Variants in GSK3B observed in about 807,000 individuals in gnomAD.
GSK3B encodes glycogen synthase kinase 3 beta.
In GSK3B, 15 loss-of-function variants were observed where a neutral mutation model predicts 56.4. That is an observed-to-expected ratio of 0.27 (90% CI 0.18 to 0.41). The LOEUF (loss-of-function observed/expected upper bound fraction) is 0.41. GSK3B is among the 10% of genes least tolerant of loss of function. GSK3B has a pLI of 1.00. For synonymous variants in GSK3B, 181 were observed against 188.9 expected, an observed-to-expected ratio of 0.96 and a Z score of 0.34; for missense variants, 300 against 513.4, an observed-to-expected ratio of 0.58 and a Z score of 4.02.
intron 1 of GSK3B, among the ~76,000 whole-genome samples, chr3:120,012,640 A>G (rs996178264): frequency 6.6e-5 from 10 of 152,222 alleles, no homozygotes; most frequent in African/African-American, 2.2e-4. Flanking sequence ...GGTATACAAC[A>G]GAACAATCAC....
At chr3:119,954,396 C>G (rs1432365788) in intron 2 of GSK3B, among the ~76,000 whole-genome samples, 1 of 142,976 alleles carries the variant, frequency 7.0e-6, no homozygotes, top group African/African-American at 2.8e-5. Flanking sequence ...ACTTTACATA[C>G]AGTAAGGGTT....
intron 1 of GSK3B, among the ~76,000 whole-genome samples, chr3:120,072,206 G>A (rs1382358870): frequency 6.6e-6 from 1 of 152,142 alleles, no homozygotes; most frequent in Non-Finnish European, 1.5e-5. Context: ...TCGATTCAGA[G>A]GCACAGAAAA....
intron 7 of GSK3B, among the ~76,000 whole-genome samples, chr3:119,879,135 A>G (rs1343893574): frequency 6.6e-6 from 1 of 152,198 alleles, no homozygotes; most frequent in Non-Finnish European, 1.5e-5. Context: ...TAATCACATC[A>G]GGGTAAATGT....
chr3:120,031,283 T>C (rs945458889), intron 1 of GSK3B, among the ~76,000 whole-genome samples: 3 of 152,170 alleles, frequency 2.0e-5, no homozygotes, highest in African/African-American at 7.2e-5. Flanking sequence ...AATAAAATAG[T>C]TGTGTGGAAT....
chr3:119,852,080 A>G (rs1271228939), intron 9 of GSK3B, among the ~76,000 whole-genome samples: 1 of 152,218 alleles, frequency 6.6e-6, no homozygotes, highest in Non-Finnish European at 1.5e-5. Flanking sequence ...TAAACTAATT[A>G]GAAAATCAGA....
chr3:119,984,392 C>T (rs1368799324), intron 2 of GSK3B, among the ~76,000 whole-genome samples: 7 of 104,772 alleles, frequency 6.7e-5, no homozygotes, highest in Non-Finnish European at 1.2e-4. Context: ...CACAGAAAAA[C>T]CTTAAAAAAA....
intron 1 of GSK3B, among the ~76,000 whole-genome samples, chr3:120,046,794 A>G (rs1164165585): frequency 6.6e-6 from 1 of 152,126 alleles, no homozygotes; most frequent in African/African-American, 2.4e-5. Flanking sequence ...TATATTTAGT[A>G]GAGACAGGGT....
chr3:120,039,978 G>C (rs2107530521), intron 1 of GSK3B, among the ~76,000 whole-genome samples: 1 of 152,334 alleles, frequency 6.6e-6, no homozygotes, highest in African/African-American at 2.4e-5. Flanking sequence ...AGCAGCCTCA[G>C]GGATAAAGGA....
At chr3:119,963,641 A>AAAG (rs1553740566) in intron 2 of GSK3B, among the ~76,000 whole-genome samples, 4 of 150,490 alleles carry the variant, frequency 2.7e-5, no homozygotes, top group African/African-American at 9.7e-5. Flanking sequence ...AAAAAAAAAA[A>AAAG]AAAGAAAGAA....
At chr3:120,093,295 C>T in intron 1 of GSK3B, 52 bp downstream of exon 1, 2 of 1,210,264 alleles carry the variant, frequency 1.7e-6, no homozygotes, top group Non-Finnish European at 2.4e-6. Flanking sequence ...TTCGAGGTTT[C>T]TTATTTTAAG....
rs183363176 is a variant in GSK3B, at chr3:120,039,603, G to A, written c.89-37364C>T. On this transcript the variant is annotated intron_variant, in intron 1 of 10. Coordinates refer to ENST00000264235, the MANE Select transcript of GSK3B (RefSeq NM_001146156.2). The stretch of plus-strand genomic sequence containing the variant: ...CATTAGAAACCACACATCACCCTTC[G>A]AAACCACACATCCCATCACTGTAAC... Among the ~76,000 whole-genome samples the A allele has an allele frequency of 9.7e-4, 148 of 152,030 alleles. 1 individual carries two copies. The Middle Eastern group carries it at 0.01, about 11-fold the overall frequency.
At chr3:120,043,374 T>A (rs2058078715) in intron 1 of GSK3B, among the ~76,000 whole-genome samples, 1 of 152,248 alleles carries the variant, frequency 6.6e-6, no homozygotes, top group Non-Finnish European at 1.5e-5. Flanking sequence ...TCTCATTCTA[T>A]TGATGACCAC....
chr3:120,018,033 CCTAGGACCAATCATGATCA>C (rs2057841739), intron 1 of GSK3B, among the ~76,000 whole-genome samples: 1 of 152,082 alleles, frequency 6.6e-6, no homozygotes. Flanking sequence ...GACAGTTTTC[CCTAGGACCAATCATGATCA>C]CCAAACCATC....
At chr3:119,865,480 T>A (rs2056169879) in intron 8 of GSK3B, among the ~76,000 whole-genome samples, 1 of 114,400 alleles carries the variant, frequency 8.7e-6, no homozygotes, top group African/African-American at 3.2e-5. Context: ...TTTTTTTTTT[T>A]TTTTTTTTTG....
chr3:119,898,092 A>G (rs1447563583), intron 7 of GSK3B, among the ~76,000 whole-genome samples: 1 of 152,194 alleles, frequency 6.6e-6, no homozygotes, highest in Non-Finnish European at 1.5e-5. Flanking sequence ...AGCTCAGCCT[A>G]GACTACCCTT....
intron 2 of GSK3B, among the ~76,000 whole-genome samples, chr3:119,971,384 T>C (rs1227366249): frequency 6.6e-6 from 1 of 152,130 alleles, no homozygotes; most frequent in African/African-American, 2.4e-5. Flanking sequence ...TACAGTTTCA[T>C]TTATACCATA....
chr3:119,890,418 G>A (rs1055776024), intron 7 of GSK3B, among the ~76,000 whole-genome samples: 2 of 152,072 alleles, frequency 1.3e-5, no homozygotes, highest in Admixed American at 1.3e-4. Flanking sequence ...TGAAATTCTA[G>A]AATAGGCATC....
chr3:120,052,040 A>G (rs2058154827), intron 1 of GSK3B, among the ~76,000 whole-genome samples: 1 of 152,214 alleles, frequency 6.6e-6, no homozygotes. Flanking sequence ...AGAAGGAAAG[A>G]GTTCACTATT....
intron 1 of GSK3B, among the ~76,000 whole-genome samples, chr3:120,059,320 G>T (rs1426234045): frequency 1.3e-5 from 2 of 152,148 alleles, no homozygotes; most frequent in Non-Finnish European, 2.9e-5. Flanking sequence ...TTTGACTTTT[G>T]TATCTTCAGG....
Sources: gnomAD v4.1 joint callset for allele counts (sites outside exome capture counted in the v4.1 genomes callset) on GRCh38, gnomAD v4.1.1 for gene constraint, MANE v1.5 for transcripts, NCBI Gene and HGNC (gene_info 2026-07-23, HGNC 2026-07-21) for gene names.